The following FOXP1 variants were observed in gnomAD, a reference collection of about 807,000 sequenced individuals.
The protein encoded by FOXP1 is forkhead box protein P1.
In FOXP1, 15 loss-of-function variants were observed where a neutral mutation model predicts 98.2. The ratio of observed to expected loss-of-function variants is 0.15; its 90% CI spans 0.10 to 0.24. The LOEUF is 0.24. FOXP1 is among the 10% of genes least tolerant of loss of function. The pLI is 1.00. For missense variants in FOXP1, 633 were observed against 848.5 expected (o/e 0.75, Z 3.15); for synonymous variants, 371 against 314.5 (o/e 1.18, Z -1.90).
At chr3:71,004,348 T>A (rs1395020939) in intron 12 of FOXP1, among the ~76,000 whole-genome samples, 1 of 152,180 alleles carries the variant, frequency 6.6e-6, no homozygotes, top group Admixed American at 6.6e-5. Context: ...ATGATGATGA[T>A]CTTTCTGAAA....
At chr3:71,105,602 T>C (rs2057356095) in intron 7 of FOXP1, among the ~76,000 whole-genome samples, 1 of 152,224 alleles carries the variant, frequency 6.6e-6, no homozygotes, top group South Asian at 2.1e-4. Flanking sequence ...AGTATGTTTT[T>C]CCCCTGTCCC....
chr3:71,581,070 G>C, intron 2 of FOXP1: 1 of 962,386 alleles, frequency 1.0e-6, no homozygotes, highest in Non-Finnish European at 1.2e-6. Flanking sequence ...TTGTGGGGTG[G>C]GGAGGTAGGG....
chr3:71,482,872 C>G (rs2090385848), intron 3 of FOXP1, among the ~76,000 whole-genome samples: 1 of 151,562 alleles, frequency 6.6e-6, no homozygotes, highest in Non-Finnish European at 1.5e-5. Flanking sequence ...GCTCTGTCAC[C>G]CAGGCTTGAT....
chr3:71,313,474 A>G (rs2074848789), intron 4 of FOXP1, among the ~76,000 whole-genome samples: 1 of 152,180 alleles, frequency 6.6e-6, no homozygotes, highest in South Asian at 2.1e-4. Context: ...GAAAGTTAGG[A>G]AAGAATTTTT....
At chr3:71,413,530 T>C (rs962100782) in intron 3 of FOXP1, among the ~76,000 whole-genome samples, 1 of 152,154 alleles carries the variant, frequency 6.6e-6, no homozygotes, top group African/African-American at 2.4e-5. Flanking sequence ...AATTTTATTA[T>C]AAAAATGTTC....
chr3:71,379,439 G>A (rs927978189), intron 3 of FOXP1, among the ~76,000 whole-genome samples: 6 of 152,076 alleles, frequency 3.9e-5, no homozygotes, highest in East Asian at 1.9e-4. Context: ...TTAACAAAGC[G>A]AGAACCTCTC....
At chr3:71,019,761 G>A (rs961437027) in intron 11 of FOXP1, among the ~76,000 whole-genome samples, 1 of 152,168 alleles carries the variant, frequency 6.6e-6, no homozygotes, top group Admixed American at 6.5e-5. Context: ...AACCTGGGAG[G>A]CAGAGGTTGC....
chr3:71,537,516 G>A, intron 2 of FOXP1, among the ~76,000 whole-genome samples: 1 of 152,242 alleles, frequency 6.6e-6, no homozygotes, highest in East Asian at 1.9e-4. Context: ...GCAGTGACCT[G>A]CACAGCTAGA....
At chr3:71,581,798 G>A in intron 1 of FOXP1, 101 bp from the exon 2 acceptor site, 1 of 986,164 alleles carries the variant, frequency 1.0e-6, no homozygotes, top group Non-Finnish European at 1.2e-6. Flanking sequence ...CGAGGGGCCA[G>A]GACAGAGAGG....
rs1296411213 is a variant in FOXP1, at chr3:71,169,002, CACTT to C, written c.180+29196_180+29199del. 1.2e-4 allele frequency among the ~76,000 whole-genome samples: 18 copies of C among 152,178 alleles called. 1 individual carries two copies. Among genetic ancestry groups the C allele is most frequent in the African/African-American group, 4.3e-4 (18 of 41,442 alleles). On this transcript the variant is annotated intron_variant, in intron 6 of 20. Coordinates refer to ENST00000649528, the MANE Select transcript of FOXP1 (RefSeq NM_001349338.3). The stretch of plus-strand genomic sequence containing the variant: ...CCGCATGGGAGGAGAGCGTAAAACT[CACTT>C]GAAAAAGTGAAGATGAGCTCTTTTT...
chr3:70,991,726 C>T (rs1485343993), intron 13 of FOXP1, among the ~76,000 whole-genome samples: 1 of 152,156 alleles, frequency 6.6e-6, no homozygotes, highest in Non-Finnish European at 1.5e-5. Flanking sequence ...GCTACTGTGG[C>T]TATTTCAAAT....
intron 11 of FOXP1, among the ~76,000 whole-genome samples, chr3:71,020,275 C>G (rs2045235046): frequency 6.6e-6 from 1 of 151,922 alleles, no homozygotes; most frequent in Non-Finnish European, 1.5e-5. Flanking sequence ...TAAATGATAC[C>G]AAATCCAGTA....
chr3:71,188,455 C>T (rs2062779578), intron 6 of FOXP1, among the ~76,000 whole-genome samples: 1 of 150,304 alleles, frequency 6.7e-6, no homozygotes, highest in Non-Finnish European at 1.5e-5. Context: ...GCTCTTGTAG[C>T]CCAGGCTGGA....
chr3:71,528,303 T>C (rs1480824035), intron 2 of FOXP1, among the ~76,000 whole-genome samples: 1 of 152,218 alleles, frequency 6.6e-6, no homozygotes, highest in East Asian at 1.9e-4. Flanking sequence ...AAGTAAAAGA[T>C]GTCCCCAAAG....
chr3:71,458,854 C>G (rs1184007273), intron 3 of FOXP1, among the ~76,000 whole-genome samples: 1 of 152,180 alleles, frequency 6.6e-6, no homozygotes, highest in Non-Finnish European at 1.5e-5. Context: ...TCTAATAACA[C>G]TATTTCTTGC....
chr3:71,331,998 T>C (rs755243815), intron 4 of FOXP1, among the ~76,000 whole-genome samples: 3 of 152,160 alleles, frequency 2.0e-5, no homozygotes, highest in Non-Finnish European at 4.4e-5. Flanking sequence ...AACTGGCTCT[T>C]TGTAAAATGG....
chr3:71,283,152 C>T (rs2071743829), intron 5 of FOXP1, among the ~76,000 whole-genome samples: 1 of 152,174 alleles, frequency 6.6e-6, no homozygotes, highest in Non-Finnish European at 1.5e-5. Context: ...AGAGGAAGTG[C>T]ACTTTCCTTT....
chr3:71,507,455 T>C (rs2041906711), intron 2 of FOXP1, among the ~76,000 whole-genome samples: 1 of 152,150 alleles, frequency 6.6e-6, no homozygotes, highest in African/African-American at 2.4e-5. Flanking sequence ...TTCTGATTCA[T>C]ATGATAATGA....
At chr3:71,128,261 C>T (rs986257398) in intron 6 of FOXP1, among the ~76,000 whole-genome samples, 1 of 148,370 alleles carries the variant, frequency 6.7e-6, no homozygotes, top group Non-Finnish European at 1.5e-5. Flanking sequence ...TGAATGCCTA[C>T]ATATTAAGAA....
Sources: allele counts gnomAD v4.1 joint callset (sites outside exome capture counted in the v4.1 genomes callset), GRCh38; gene constraint gnomAD v4.1.1; transcripts MANE v1.5; gene names NCBI Gene and HGNC (gene_info 2026-07-23, HGNC 2026-07-21).